The following ROCK1 variants were observed in gnomAD, a reference collection of about 807,000 sequenced individuals.
ROCK1 encodes the protein rho-associated protein kinase 1.
ROCK1 carries 36 observed loss-of-function variants against 196.8 expected under a neutral mutation model. That is an observed-to-expected ratio of 0.18 (90% CI 0.14 to 0.24). ROCK1 has a LOEUF of 0.24. Ranked by LOEUF, ROCK1 falls within the 10% of genes least tolerant of loss-of-function variation. ROCK1 has a pLI of 1.00. For synonymous variants in ROCK1, 443 were observed against 515.9 expected, an observed-to-expected ratio of 0.86 and a Z score of 1.91; for missense variants, 920 against 1,562.0, an observed-to-expected ratio of 0.59 and a Z score of 6.93.
rs1417061631 is a variant in ROCK1, at chr18:21,034,752, G to A, written c.1051+4720C>T. ...GATTTGGCAATGATTTCTTAAATAC[G>A]AAGCCAAAGATACAAGCAACAAAAG... On this transcript the variant is annotated intron_variant, in intron 9 of 32. Coordinates refer to ENST00000399799, the MANE Select transcript of ROCK1 (RefSeq NM_005406.3). Among the ~76,000 whole-genome samples, 11 of 152,068 alleles carry A rather than the reference G, an allele frequency of 7.2e-5. 1 individual carries two copies. Among genetic ancestry groups the A allele is most frequent in the South Asian group, 6.2e-4 (3 of 4,828 alleles).
intron 1 of ROCK1, among the ~76,000 whole-genome samples, chr18:21,107,172 T>A (rs2036710104): frequency 6.6e-6 from 1 of 152,234 alleles, no homozygotes; most frequent in African/African-American, 2.4e-5. Context: ...CAAGGTCAGG[T>A]GGATTTTCCA....
At chr18:20,961,891 A>C (rs2035331222) in intron 27 of ROCK1, among the ~76,000 whole-genome samples, 1 of 139,308 alleles carries the variant, frequency 7.2e-6, no homozygotes, top group African/African-American at 2.7e-5. Context: ...CCTGAGCCTC[A>C]GCTTCCTAAG....
At chr18:20,987,678 T>A (rs567883859) in intron 18 of ROCK1, among the ~76,000 whole-genome samples, 1 of 152,236 alleles carries the variant, frequency 6.6e-6, no homozygotes, top group East Asian at 1.9e-4. Flanking sequence ...TCCATGTTCA[T>A]GTAACTAGTA....
intron 12 of ROCK1, among the ~76,000 whole-genome samples, chr18:21,015,942 T>A (rs1052754238): frequency 2.6e-5 from 4 of 151,762 alleles, no homozygotes; most frequent in African/African-American, 7.3e-5. Context: ...ATCATGCTAC[T>A]GTACTCCAGC....
intron 16 of ROCK1, among the ~76,000 whole-genome samples, chr18:20,994,999 A>C (rs2035658461): frequency 1.3e-5 from 2 of 152,168 alleles, no homozygotes; most frequent in Non-Finnish European, 2.9e-5. Flanking sequence ...TAAAAACCAC[A>C]CTAACAATAA....
intron 22 of ROCK1, among the ~76,000 whole-genome samples, chr18:20,973,125 C>A (rs753008653): frequency 3.3e-5 from 5 of 151,982 alleles, no homozygotes; most frequent in Non-Finnish European, 5.9e-5. Context: ...GGAATCCACC[C>A]GCCTTGGCCT....
intron 2 of ROCK1, among the ~76,000 whole-genome samples, chr18:21,066,913 T>A (rs570166480): frequency 1.6e-3 from 248 of 152,348 alleles, no homozygotes; most frequent in Non-Finnish European, 2.9e-3. Flanking sequence ...TGTGCAGACA[T>A]ATGCTTTCAT....
chr18:21,077,245 T>A (rs1385129111), intron 1 of ROCK1, among the ~76,000 whole-genome samples: 1 of 151,320 alleles, frequency 6.6e-6, no homozygotes, highest in African/African-American at 2.4e-5. Context: ...AGTGCTGGGA[T>A]TACAGGCGTG....
At chr18:20,959,455 A>C (rs2035305143) in intron 29 of ROCK1, among the ~76,000 whole-genome samples, 1 of 151,172 alleles carries the variant, frequency 6.6e-6, no homozygotes, top group Admixed American at 6.7e-5. Flanking sequence ...CAGGTGATCC[A>C]CCTGCCTCGA....
At chr18:21,032,054 G>A (rs1285877054) in intron 9 of ROCK1, among the ~76,000 whole-genome samples, 2 of 152,160 alleles carry the variant, frequency 1.3e-5, no homozygotes, top group Non-Finnish European at 2.9e-5. Flanking sequence ...AAGACTATTT[G>A]AAGAAATAAT....
intron 4 of ROCK1, among the ~76,000 whole-genome samples, chr18:21,047,797 CAAA>C (rs1302580439): frequency 3.8e-5 from 4 of 105,876 alleles, no homozygotes; most frequent in Admixed American, 1.0e-4. Flanking sequence ...GACTCCGTCT[CAAA>C]AAAAAAAAAA....
At position 20,984,357 on chromosome 18, in the gene ROCK1, A is replaced by G. The variant is rs2035559389; in HGVS notation, c.2483T>C (p.Leu828Pro). 2 of 1,598,910 alleles carry G rather than the reference A, an allele frequency of 1.3e-6. No homozygotes were observed. Among genetic ancestry groups the G allele is most frequent in the Non-Finnish European group, 1.7e-6 (2 of 1,173,442 alleles). Residue 828 changes from leucine (L) to proline (P), a missense_variant, in exon 20 of 33, where the codon CTT becomes CCT. Around this residue, in one of 6 missense-constraint regions of ROCK1, gnomAD observed 520 missense variants for 657.1 expected, o/e 0.79. Transcript: ENST00000399799. ...TGTTATTTTAAAGACTTACTTCGTAAGCTGAGCTAACTCAAATTCTAATAA... is the reference window on the plus strand; with the variant it reads ...TGTTATTTTAAAGACTTACTTCGTAGGCTGAGCTAACTCAAATTCTAATAA... ...KRLLEFELAQ[L>P]TKQYRGNEGQ...
chr18:20,958,653 T>A (rs1490899910), intron 29 of ROCK1, among the ~76,000 whole-genome samples: 1 of 150,826 alleles, frequency 6.6e-6, no homozygotes, highest in Non-Finnish European at 1.5e-5. Context: ...AGGGAACTGA[T>A]TCCAGGAACT....
At chr18:21,097,085 G>A (rs945337510) in intron 1 of ROCK1, among the ~76,000 whole-genome samples, 2 of 152,162 alleles carry the variant, frequency 1.3e-5, no homozygotes, top group Non-Finnish European at 2.9e-5. Flanking sequence ...GAAAGAGTAG[G>A]TGAGATACTA....
intron 2 of ROCK1, among the ~76,000 whole-genome samples, chr18:21,066,058 GAAACA>G (rs1201804507): frequency 1.1e-4 from 16 of 152,016 alleles, no homozygotes. Context: ...AAAGCAATTA[GAAACA>G]AAACAAAAAT....
intron 1 of ROCK1, among the ~76,000 whole-genome samples, chr18:21,078,361 CACACACACACACAG>C (rs1194571193): frequency 2.0e-5 from 3 of 147,962 alleles, no homozygotes; most frequent in East Asian, 2.0e-4. Context: ...CACACACACA[CACACACACACACAG>C]AGAGAGAGAG....
chr18:21,104,082 G>T (rs1346644175), intron 1 of ROCK1, among the ~76,000 whole-genome samples: 2 of 152,156 alleles, frequency 1.3e-5, no homozygotes, highest in African/African-American at 4.8e-5. Context: ...AGAGCTATTG[G>T]ATTATCTTCA....
chr18:20,994,203 G>T (rs1486208147), intron 16 of ROCK1, among the ~76,000 whole-genome samples: 2 of 152,076 alleles, frequency 1.3e-5, no homozygotes, highest in East Asian at 1.9e-4. Context: ...AACAGCTGCC[G>T]CTTTCTTTCA....
chr18:21,075,270 G>C (rs1393012089), intron 1 of ROCK1, among the ~76,000 whole-genome samples: 2 of 152,026 alleles, frequency 1.3e-5, no homozygotes, highest in Admixed American at 6.6e-5. Flanking sequence ...TGAAAAACTG[G>C]GTAAACAGGA....
Sources: gnomAD v4.1 joint callset for allele counts (sites outside exome capture counted in the v4.1 genomes callset) on GRCh38, gnomAD v4.1.1 for gene constraint, gnomAD v4.1.1 regional missense constraint, MANE v1.5 for transcripts, NCBI Gene and HGNC (gene_info 2026-07-23, HGNC 2026-07-21) for gene names.